CTNND2: variants seen among roughly 807,000 people sequenced by gnomAD.
CTNND2 encodes the protein catenin delta 2.
CTNND2 carries 22 observed loss-of-function variants against 144.4 expected under a neutral mutation model. That is an observed-to-expected ratio of 0.15 (90% CI 0.11 to 0.22). CTNND2 has a LOEUF of 0.22. Ranked by LOEUF, CTNND2 falls within the 10% of genes least tolerant of loss-of-function variation. The probability of loss-of-function intolerance (pLI) is 1.00; values close to 1 mark genes in which losing one functional copy is unlikely to be tolerated. For missense variants in CTNND2, 1,353 were observed against 1,618.8 expected, an observed-to-expected ratio of 0.84 and a Z score of 2.82; for synonymous variants, 751 against 695.6, an observed-to-expected ratio of 1.08 and a Z score of -1.25.
At chr5:11,754,230 C>T (rs1788783283) in intron 1 of CTNND2, among the ~76,000 whole-genome samples, 1 of 151,266 alleles carries the variant, frequency 6.6e-6, no homozygotes, top group Non-Finnish European at 1.5e-5. Flanking sequence ...GGTTGATTTG[C>T]TCTTGATTTT....
chr5:11,517,762 CTG>C (rs1772306658), intron 3 of CTNND2, among the ~76,000 whole-genome samples: 1 of 151,378 alleles, frequency 6.6e-6, no homozygotes, highest in Non-Finnish European at 1.5e-5. Flanking sequence ...CACATTCTGC[CTG>C]TGTATCCCAG....
intron 16 of CTNND2, among the ~76,000 whole-genome samples, chr5:11,051,576 A>G (rs1241715285): frequency 2.6e-5 from 4 of 152,362 alleles, no homozygotes; most frequent in South Asian, 2.1e-4. Flanking sequence ...AGTATGTAAG[A>G]TATGAAAATT....
intron 9 of CTNND2, among the ~76,000 whole-genome samples, chr5:11,263,102 T>C (rs891130898): frequency 3.9e-5 from 6 of 152,224 alleles, no homozygotes; most frequent in African/African-American, 1.2e-4. Context: ...CATCTGTGTG[T>C]ATGACAAGAG....
intron 16 of CTNND2, among the ~76,000 whole-genome samples, chr5:11,039,615 T>G (rs749559787): frequency 1.9e-4 from 29 of 152,182 alleles, no homozygotes; most frequent in Non-Finnish European, 3.2e-4. Context: ...TGATTAGAGA[T>G]TTATTCAAAT....
At chr5:11,692,023 T>C (rs185677600) in intron 2 of CTNND2, among the ~76,000 whole-genome samples, 237 of 152,342 alleles carry the variant, frequency 1.6e-3, no homozygotes, top group African/African-American at 5.0e-3. Flanking sequence ...ACATAGCTAA[T>C]CAACAAAAAC....
intron 1 of CTNND2, among the ~76,000 whole-genome samples, chr5:11,832,822 T>C (rs1053977692): frequency 6.6e-6 from 1 of 152,126 alleles, no homozygotes; most frequent in Non-Finnish European, 1.5e-5. Context: ...ATGCCTGTAG[T>C]TCCTGCTACT....
chr5:11,807,255 A>G (rs1031888816), intron 1 of CTNND2, among the ~76,000 whole-genome samples: 2 of 152,146 alleles, frequency 1.3e-5, no homozygotes, highest in Non-Finnish European at 2.9e-5. Flanking sequence ...GGTTACTCCC[A>G]TATCTCTAAA....
chr5:11,385,162 C>CGCG lies in CTNND2; in HGVS notation c.677_679dup (p.Pro226dup), dbSNP rs557341981. The CGCG allele has an allele frequency of 5.8e-3, 5,910 of 1,013,272 alleles. 10 individuals are homozygous for CGCG. Among genetic ancestry groups the CGCG allele is most frequent in the African/African-American group, 9.9e-3 (567 of 57,018 alleles). 62.8% of individuals were successfully genotyped at this position (1,013,272 alleles called of 1,614,324 possible). A position where few individuals can be genotyped will look rare whatever the true frequency, so the allele number is the denominator to read the frequency against. ...GCCCAGGCTGGGCGCGAACGGCTCC[C>CGCG]GCGGCGGCGGCGGCGGCGGCGGCGC... On this transcript the variant is annotated inframe_insertion, in exon 7 of 22. Coordinates refer to ENST00000304623, the MANE Select transcript of CTNND2 (RefSeq NM_001332.4).
At chr5:11,901,582 GA>G (rs1170250634) in intron 1 of CTNND2, among the ~76,000 whole-genome samples, 1 of 152,164 alleles carries the variant, frequency 6.6e-6, no homozygotes, top group Non-Finnish European at 1.5e-5. Flanking sequence ...AAACATTAGT[GA>G]CATCTATAAT....
At chr5:11,727,325 T>C (rs140788502) in intron 2 of CTNND2, among the ~76,000 whole-genome samples, 1 of 152,280 alleles carries the variant, frequency 6.6e-6, no homozygotes, top group African/African-American at 2.4e-5. Context: ...AATCCTTCCA[T>C]CCTGTACGTA....
chr5:11,335,368 A>C (rs1000579264), intron 9 of CTNND2, among the ~76,000 whole-genome samples: 6 of 152,202 alleles, frequency 3.9e-5, no homozygotes, highest in Non-Finnish European at 8.8e-5. Flanking sequence ...CTGCTTTGTA[A>C]GACAATAAAT....
At chr5:11,351,330 C>A (rs1755326402) in intron 8 of CTNND2, among the ~76,000 whole-genome samples, 1 of 152,154 alleles carries the variant, frequency 6.6e-6, no homozygotes, top group African/African-American at 2.4e-5. Context: ...CTACAAACAG[C>A]CCCTTTTCCC....
At chr5:11,846,029 C>G (rs1341607030) in intron 1 of CTNND2, among the ~76,000 whole-genome samples, 2 of 152,066 alleles carry the variant, frequency 1.3e-5, no homozygotes, top group Admixed American at 1.3e-4. Context: ...ATAATGATTT[C>G]TAAATGAATG....
chr5:11,398,167 T>C (rs1760310810), intron 5 of CTNND2, among the ~76,000 whole-genome samples: 1 of 152,172 alleles, frequency 6.6e-6, no homozygotes, highest in Non-Finnish European at 1.5e-5. Context: ...CAAAGTCATA[T>C]ATTCGATGGA....
intron 9 of CTNND2, among the ~76,000 whole-genome samples, chr5:11,314,041 A>G (rs1229261046): frequency 2.6e-5 from 4 of 152,170 alleles, no homozygotes; most frequent in African/African-American, 9.7e-5. Flanking sequence ...ATTGGGAATT[A>G]CAATTTGACA....
At chr5:11,722,244 AATG>A (rs1786729712) in intron 2 of CTNND2, among the ~76,000 whole-genome samples, 1 of 152,334 alleles carries the variant, frequency 6.6e-6, no homozygotes, top group Admixed American at 6.5e-5. Flanking sequence ...CAGGGACAAG[AATG>A]AAGAATTTGC....
chr5:11,275,800 A>T (rs763149961), intron 9 of CTNND2, among the ~76,000 whole-genome samples: 5 of 152,214 alleles, frequency 3.3e-5, no homozygotes, highest in Non-Finnish European at 7.4e-5. Context: ...GTGCCAATCC[A>T]TGGGGGAAGG....
chr5:11,370,862 A>C (rs2149781440), intron 7 of CTNND2, among the ~76,000 whole-genome samples: 1 of 152,366 alleles, frequency 6.6e-6, no homozygotes, highest in East Asian at 1.9e-4. Flanking sequence ...GTGTTTGTGA[A>C]CAGTTCTTTC....
chr5:11,364,320 A>G (rs1756751965), intron 8 of CTNND2, among the ~76,000 whole-genome samples: 1 of 152,240 alleles, frequency 6.6e-6, no homozygotes, highest in African/African-American at 2.4e-5. Flanking sequence ...AATATCATGA[A>G]AAAAACACTT....
Sources: allele counts gnomAD v4.1 joint callset (sites outside exome capture counted in the v4.1 genomes callset), GRCh38; gene constraint gnomAD v4.1.1; transcripts MANE v1.5; gene names NCBI Gene and HGNC (gene_info 2026-07-23, HGNC 2026-07-21).